Variants in TSPAN5 observed in about 807,000 individuals in gnomAD.
TSPAN5 encodes tetraspanin 5, also known as tetraspanin-5.
Under a neutral mutation model 37.1 loss-of-function variants are expected in TSPAN5, and 10 were observed. That is an observed-to-expected ratio of 0.27 (90% confidence interval 0.17 to 0.46). The LOEUF is 0.46. Among genes scored for constraint, TSPAN5 ranks in the 20% least tolerant of loss-of-function variants. TSPAN5 has a pLI of 1.00. For synonymous variants in TSPAN5, 110 were observed against 118.9 expected, an observed-to-expected ratio of 0.93 and a Z score of 0.48; for missense variants, 195 against 326.6, an observed-to-expected ratio of 0.60 and a Z score of 3.11.
rs1756047509 is a variant in TSPAN5 at position 98,606,715 on chromosome 4, G to T, written c.81+51431C>A. On this transcript the variant is annotated intron_variant, in intron 1 of 7. Coordinates refer to ENST00000305798, the MANE Select transcript of TSPAN5 (RefSeq NM_005723.4). Reference sequence around the variant, plus strand: ...AGGCAATGAGGAATTAAATGCAGAGGTTTTTAAAATTCCTGAATTTTTGTG... The same window carrying T: ...AGGCAATGAGGAATTAAATGCAGAGTTTTTTAAAATTCCTGAATTTTTGTG... Among the ~76,000 whole-genome samples the T allele has an allele frequency of 2.0e-5, 3 of 152,186 alleles. No individual in the cohort carries two copies. The South Asian group carries it at 6.2e-4, about 31-fold the overall frequency.
intron 2 of TSPAN5, chr4:98,496,699 T>TG (rs1753220924): frequency 1.3e-5 from 2 of 152,170 alleles, no homozygotes; most frequent in African/African-American, 4.8e-5. Context: ...CACACTCTGG[T>TG]GAGAGCCACT....
chr4:98,529,141 CT>C (rs1235902603), intron 1 of TSPAN5, among the ~76,000 whole-genome samples: 1 of 152,214 alleles, frequency 6.6e-6, no homozygotes, highest in Admixed American at 6.5e-5. Context: ...CATCCACCCA[CT>C]GAAAACACAC....
intron 1 of TSPAN5, among the ~76,000 whole-genome samples, chr4:98,633,716 C>T (rs1756795305): frequency 6.6e-6 from 1 of 152,138 alleles, no homozygotes; most frequent in African/African-American, 2.4e-5. Flanking sequence ...TGAAATATAT[C>T]ACAGACAGGA....
At chr4:98,484,003 T>G (rs1329721742) in intron 3 of TSPAN5, 2 of 183,846 alleles carry the variant, frequency 1.1e-5, no homozygotes, top group African/African-American at 4.8e-5. Context: ...CTAGCATGCA[T>G]GAGCATACAC....
intron 1 of TSPAN5, among the ~76,000 whole-genome samples, chr4:98,616,440 G>A (rs1436712921): frequency 6.6e-6 from 1 of 152,052 alleles, no homozygotes; most frequent in African/African-American, 2.4e-5. Flanking sequence ...ACAGGTCAAG[G>A]GGAAGTTAAA....
At chr4:98,602,051 A>G (rs1755895008) in intron 1 of TSPAN5, among the ~76,000 whole-genome samples, 1 of 152,202 alleles carries the variant, frequency 6.6e-6, no homozygotes, top group Non-Finnish European at 1.5e-5. Context: ...CACCAAAACA[A>G]TTACAATAGT....
intron 1 of TSPAN5, among the ~76,000 whole-genome samples, chr4:98,524,748 A>C (rs1248577230): frequency 6.6e-6 from 1 of 151,914 alleles, no homozygotes; most frequent in Non-Finnish European, 1.5e-5. Flanking sequence ...AACTCATTTC[A>C]TAAGTCCCTA....
At chr4:98,590,282 G>A (rs988034640) in intron 1 of TSPAN5, among the ~76,000 whole-genome samples, 2 of 152,140 alleles carry the variant, frequency 1.3e-5, no homozygotes, top group African/African-American at 4.8e-5. Context: ...GGAAGGAAAT[G>A]AACTCAGGTT....
In TSPAN5 at chr4:98,658,380, G is replaced by A. The variant is rs1367102825; in HGVS notation, c.-154C>T. The A allele has an allele frequency of 4.1e-6, 2 of 484,498 alleles. No homozygotes were observed. The highest frequency in any genetic ancestry group is 7.0e-6 in the Non-Finnish European group (2 of 284,568). 30.0% of individuals were successfully genotyped at this position (484,498 alleles called of 1,614,324 possible). On this transcript the variant is annotated 5_prime_UTR_variant, in exon 1 of 8. Coordinates refer to ENST00000305798, the MANE Select transcript of TSPAN5 (RefSeq NM_005723.4). ...GGGCTCAGCCGCGCGGGGACCGACC[G>A]GCGGAGAGCGGCTCCCGCACCTCCA...
At chr4:98,630,344 T>C (rs1006890657) in intron 1 of TSPAN5, among the ~76,000 whole-genome samples, 3 of 152,200 alleles carry the variant, frequency 2.0e-5, no homozygotes, top group East Asian at 1.9e-4. Context: ...CCGCCTCCAA[T>C]ACATACAGCA....
chr4:98,635,819 T>C (rs1756846649), intron 1 of TSPAN5, among the ~76,000 whole-genome samples: 1 of 152,222 alleles, frequency 6.6e-6, no homozygotes, highest in East Asian at 1.9e-4. Context: ...AGTATCATTA[T>C]AGATTTAGGT....
At position 98,614,642 on chromosome 4, in the gene TSPAN5, A is replaced by T. The variant is rs562597811; in HGVS notation, c.81+43504T>A. Among the ~76,000 whole-genome samples, 20 of 152,346 alleles carry T rather than the reference A, an allele frequency of 1.3e-4. No homozygotes were observed. The South Asian group carries it at 4.1e-3, about 32-fold the overall frequency. ...TAACGCCTATATTGAACAAATTAAC[A>T]TTTCTAACATCCAAACACTTATAAC... On this transcript the variant is annotated intron_variant, in intron 1 of 7. Transcript: ENST00000305798.
At chr4:98,503,975 A>T (rs1374117727) in intron 2 of TSPAN5, among the ~76,000 whole-genome samples, 1 of 152,192 alleles carries the variant, frequency 6.6e-6, no homozygotes, top group Non-Finnish European at 1.5e-5. Context: ...CATCCTTTGC[A>T]TTTTTACAGT....
At chr4:98,535,231 T>C (rs981678098) in intron 1 of TSPAN5, among the ~76,000 whole-genome samples, 1 of 152,196 alleles carries the variant, frequency 6.6e-6, no homozygotes, top group Non-Finnish European at 1.5e-5. Flanking sequence ...CGCCTGGTGG[T>C]GACAAAATCT....
intron 1 of TSPAN5, among the ~76,000 whole-genome samples, chr4:98,624,907 T>A (rs1259600614): frequency 8.3e-6 from 1 of 120,440 alleles, no homozygotes; most frequent in East Asian, 1.9e-4. Flanking sequence ...ACTTAAGACT[T>A]TAGATTCCTC....
intron 2 of TSPAN5, among the ~76,000 whole-genome samples, chr4:98,494,909 G>C (rs559660210): frequency 3.9e-4 from 59 of 152,176 alleles, no homozygotes; most frequent in Non-Finnish European, 7.9e-4. Context: ...GGAGAGAAAA[G>C]GCAGAAGAGG....
chr4:98,590,433 A>G (rs1198396303), intron 1 of TSPAN5, among the ~76,000 whole-genome samples: 1 of 152,184 alleles, frequency 6.6e-6, no homozygotes, highest in Non-Finnish European at 1.5e-5. Flanking sequence ...TGAATTGGCC[A>G]GGCGTGGTTG....
intron 1 of TSPAN5, among the ~76,000 whole-genome samples, chr4:98,518,126 C>T (rs1195839814): frequency 6.8e-6 from 1 of 147,146 alleles, no homozygotes; most frequent in East Asian, 2.0e-4. Context: ...TTTTCCTAGG[C>T]TCAAGTGATC....
intron 1 of TSPAN5, among the ~76,000 whole-genome samples, chr4:98,564,802 T>C (rs1352418574): frequency 1.3e-5 from 2 of 152,010 alleles, no homozygotes; most frequent in Non-Finnish European, 2.9e-5. Flanking sequence ...TTCACGTGTG[T>C]TTCTAATTTT....
Sources: allele counts gnomAD v4.1 joint callset (sites outside exome capture counted in the v4.1 genomes callset), GRCh38; gene constraint gnomAD v4.1.1; transcripts MANE v1.5; gene names NCBI Gene and HGNC (gene_info 2026-07-23, HGNC 2026-07-21).